TCF12: variants seen among roughly 807,000 people sequenced by gnomAD.
The protein encoded by TCF12 is transcription factor 12, also known as DNA-binding protein HTF4.
In TCF12, 45 loss-of-function variants were observed where a neutral mutation model predicts 86.0. The observed-to-expected ratio is 0.52, with a 90% CI of 0.41 to 0.67. TCF12 has a LOEUF of 0.67. Among genes scored for constraint, TCF12 ranks in the 30% least tolerant of loss-of-function variants. The pLI is 0.00. For missense variants in TCF12, 881 were observed against 859.9 expected, an observed-to-expected ratio of 1.02 and a Z score of -0.31; for synonymous variants, 330 against 299.6, an observed-to-expected ratio of 1.10 and a Z score of -1.05.
At chr15:57,126,368 A>C (rs944732757) in intron 5 of TCF12, among the ~76,000 whole-genome samples, 2 of 152,092 alleles carry the variant, frequency 1.3e-5, no homozygotes, top group Non-Finnish European at 2.9e-5. Context: ...TATTAGCAAA[A>C]ATTTGGTTGA....
intron 5 of TCF12, among the ~76,000 whole-genome samples, chr15:57,152,535 G>A (rs963081389): frequency 5.7e-5 from 1 of 17,592 alleles, no homozygotes; most frequent in Non-Finnish European, 1.2e-4. Context: ...AGTTGAAATG[G>A]TAGTAATAAA....
chr15:57,217,872 T>C (rs2058396265), intron 8 of TCF12, among the ~76,000 whole-genome samples: 1 of 152,180 alleles, frequency 6.6e-6, no homozygotes, highest in Non-Finnish European at 1.5e-5. Context: ...CTCCAAGGAT[T>C]GAAATGGGTC....
chr15:57,022,202 T>C (rs577791636), intron 3 of TCF12, among the ~76,000 whole-genome samples: 1 of 152,126 alleles, frequency 6.6e-6, no homozygotes, highest in African/African-American at 2.4e-5. Flanking sequence ...TTTCTCTTAA[T>C]GCTGTCCCTC....
chr15:57,283,703 G>T (rs1241405429), intron 20 of TCF12, among the ~76,000 whole-genome samples: 1 of 152,200 alleles, frequency 6.6e-6, no homozygotes, highest in Admixed American at 6.5e-5. Flanking sequence ...GTTTCATTTG[G>T]TCAGTTTCGT....
At chr15:57,028,956 C>T (rs1176489577) in intron 3 of TCF12, among the ~76,000 whole-genome samples, 1 of 151,986 alleles carries the variant, frequency 6.6e-6, no homozygotes, top group Non-Finnish European at 1.5e-5. Flanking sequence ...CGCCACCATG[C>T]CCAGCTAATT....
intron 5 of TCF12, among the ~76,000 whole-genome samples, chr15:57,111,378 T>A (rs1236241210): frequency 6.6e-6 from 1 of 152,128 alleles, no homozygotes; most frequent in Non-Finnish European, 1.5e-5. Context: ...CTCTAAGACC[T>A]AAGCAAGAGA....
chr15:57,170,376 A>G (rs2055224046), intron 6 of TCF12, among the ~76,000 whole-genome samples: 2 of 151,492 alleles, frequency 1.3e-5, no homozygotes, highest in Non-Finnish European at 2.9e-5. Context: ...GTTTAGAGTC[A>G]AGAGACCTAG....
At chr15:57,220,530 T>C (rs1318415392) in intron 8 of TCF12, among the ~76,000 whole-genome samples, 5 of 152,186 alleles carry the variant, frequency 3.3e-5, no homozygotes, top group Admixed American at 3.3e-4. Context: ...TTCCAAAGAA[T>C]GCACTGTACT....
At chr15:57,075,720 C>G (rs1303335552) in intron 4 of TCF12, among the ~76,000 whole-genome samples, 4 of 151,450 alleles carry the variant, frequency 2.6e-5, no homozygotes, top group African/African-American at 9.7e-5. Context: ...TGAACTTGGT[C>G]AAATGGGTCA....
rs2061274695 is a variant in TCF12, at chr15:57,274,198, G to A, written c.1978+936G>A. Among the ~76,000 whole-genome samples the A allele has an allele frequency of 2.1e-5, 3 of 145,378 alleles. No homozygotes were observed. The Admixed American group carries it at 2.1e-4, about 10-fold the overall frequency. On this transcript the variant is annotated intron_variant, in intron 19 of 20. Transcript: ENST00000333725. ...TCAAAAAAGAATAGGGTGGGCAGATGCTTGAAAACTACAGCCATGGAGCCT... is the reference window on the plus strand; with the variant it reads ...TCAAAAAAGAATAGGGTGGGCAGATACTTGAAAACTACAGCCATGGAGCCT...
At chr15:57,004,159 C>T (rs2064210613) in intron 3 of TCF12, among the ~76,000 whole-genome samples, 1 of 151,530 alleles carries the variant, frequency 6.6e-6, no homozygotes, top group Non-Finnish European at 1.5e-5. Context: ...ATTCTCTTCT[C>T]TCCTGAGAAT....
intron 11 of TCF12, among the ~76,000 whole-genome samples, chr15:57,233,112 ATGTT>A (rs1289258487): frequency 2.7e-5 from 4 of 149,346 alleles, no homozygotes; most frequent in Non-Finnish European, 5.9e-5. Flanking sequence ...ATATGTATAT[ATGTT>A]TGTGTATATA....
intron 19 of TCF12, among the ~76,000 whole-genome samples, chr15:57,273,711 C>T (rs2061253522): frequency 6.6e-6 from 1 of 152,252 alleles, no homozygotes; most frequent in East Asian, 1.9e-4. Context: ...GTTATCATCC[C>T]TTCTGCCTTT....
At chr15:56,976,044 T>G (rs116371899) in intron 3 of TCF12, among the ~76,000 whole-genome samples, 4,424 of 151,976 alleles carry the variant, frequency 0.029, 184 homozygotes, top group African/African-American at 0.089. Flanking sequence ...CCGTATATGT[T>G]TAAATGGATG....
At chr15:56,974,749 T>C (rs2062515498) in intron 3 of TCF12, among the ~76,000 whole-genome samples, 1 of 152,074 alleles carries the variant, frequency 6.6e-6, no homozygotes, top group East Asian at 1.9e-4. Flanking sequence ...GAGGCAGAGT[T>C]AGGATTCCAG....
chr15:57,039,131 A>G (rs1596254602), intron 3 of TCF12, among the ~76,000 whole-genome samples: 1 of 152,206 alleles, frequency 6.6e-6, no homozygotes, highest in East Asian at 1.9e-4. Flanking sequence ...GTATTCTTCC[A>G]CTTGTTACCT....
At chr15:57,180,786 A>G (rs1417718617) in intron 6 of TCF12, among the ~76,000 whole-genome samples, 1 of 150,024 alleles carries the variant, frequency 6.7e-6, no homozygotes, top group African/African-American at 2.4e-5. Flanking sequence ...CCAAATTTTA[A>G]TCATAAAATG....
intron 19 of TCF12, among the ~76,000 whole-genome samples, chr15:57,280,727 TG>T (rs2061648494): frequency 1.3e-5 from 2 of 151,798 alleles, no homozygotes; most frequent in Non-Finnish European, 2.9e-5. Context: ...GGGGGTGGGG[TG>T]GGGACATGGA....
At chr15:57,240,333 A>G (rs552303298) in intron 12 of TCF12, among the ~76,000 whole-genome samples, 1 of 152,346 alleles carries the variant, frequency 6.6e-6, no homozygotes, top group East Asian at 1.9e-4. Flanking sequence ...TTAGAAATAC[A>G]GTGTAAGCAC....
Sources: gnomAD v4.1 joint callset for allele counts (sites outside exome capture counted in the v4.1 genomes callset) on GRCh38, gnomAD v4.1.1 for gene constraint, MANE v1.5 for transcripts, NCBI Gene and HGNC (gene_info 2026-07-23, HGNC 2026-07-21) for gene names.